Variants in ANO8 observed in about 807,000 individuals in gnomAD.
The protein encoded by ANO8 is anoctamin-8.
ANO8 carries 67 observed loss-of-function variants against 120.4 expected under a neutral mutation model. The ratio of observed to expected loss-of-function variants is 0.56; its 90% CI spans 0.46 to 0.68. The LOEUF is 0.68. ANO8 is among the 30% of genes least tolerant of loss of function. The probability of loss-of-function intolerance (pLI) is 0.00; values close to 1 mark genes in which losing one functional copy is unlikely to be tolerated. For missense variants in ANO8, 1,526 were observed against 1,737.6 expected, an observed-to-expected ratio of 0.88 and a Z score of 2.16; for synonymous variants, 727 against 759.2, an observed-to-expected ratio of 0.96 and a Z score of 0.70.
At position 17,333,209 on chromosome 19, in the gene ANO8, C is replaced by T. The variant is rs369888030; in HGVS notation, c.381G>A (p.Leu127=). Reference sequence around the variant, plus strand: ...CAAACTCGGCCTTCACTGCTTTGCGCAGACCCAGCTCGTCGGCCCCTCGGA... The same window carrying T: ...CAAACTCGGCCTTCACTGCTTTGCGTAGACCCAGCTCGTCGGCCCCTCGGA... ...SLLRGADELG[L]RKAVKAEFGG... is the part of the protein sequence containing the mutation. Residue 127 remains leucine (L), a synonymous_variant, in exon 4 of 18, where the codon CTG becomes CTA. Transcript: ENST00000159087. This position sits in a 1 kb window ranked among gnomAD's most constrained non-coding sequence, Gnocchi z 7.2. 9.3e-6 allele frequency: 15 copies of T among 1,610,672 alleles called. No homozygotes were observed. The highest frequency in any genetic ancestry group is 1.1e-5 in the Non-Finnish European group (13 of 1,178,410).
intron 5 of ANO8, among the ~76,000 whole-genome samples, chr19:17,331,978 A>G (rs1405919402): frequency 9.4e-6 from 1 of 105,890 alleles, no homozygotes; most frequent in Non-Finnish European, 1.8e-5. Context: ...CTGTGTCACC[A>G]GGCTGGAGTG....
At position 17,333,022 on chromosome 19, in the gene ANO8, C is replaced by T. The variant is rs551236968; in HGVS notation, c.494G>A (p.Arg165His). 2.0e-4 allele frequency: 317 copies of T among 1,614,038 alleles called. No individual in the cohort carries two copies. The South Asian group carries it at 3.3e-3, about 17-fold the overall frequency. Residue 165 changes from arginine (R) to histidine (H), a missense_variant, in exon 5 of 18, where the codon CGC (arginine) becomes CAC (histidine). Physicochemically the swap from Arg to His is conservative, Grantham distance 29. Around this residue, in one of 8 missense-constraint regions of ANO8, gnomAD observed 322 missense variants for 431.8 expected, o/e 0.75. Transcript: ENST00000159087. This position sits in a 1 kb window ranked among gnomAD's most constrained non-coding sequence, Gnocchi z 7.2. ...SELRFFTSQE[R>H]QSIIRFWLQN... ...CAGCCAGAAGCGGATGATGCTCTGG[C>T]GTTCCTGCGAGGAAGAGGGCGTGAG...
At position 17,329,718 on chromosome 19, in the gene ANO8, T is replaced by C. The variant is rs773812751; in HGVS notation, c.1404+39A>G. 1.1e-5 allele frequency: 17 copies of C among 1,568,818 alleles called. No homozygotes were observed. In the South Asian group the frequency reaches 1.9e-4, roughly 18 times the overall value. On this transcript the variant is annotated intron_variant, in intron 12 of 17. Coordinates refer to ENST00000159087, the MANE Select transcript of ANO8 (RefSeq NM_020959.3). ...GGGTCTGGCCCCTCGCTGGCCGCCA[T>C]GGGGGCAGGGGGGACTGCCGCTGGG...
Position 17,325,215 on chromosome 19 carries a change from T to C in ANO8, c.2833A>G (p.Lys945Glu). ...SGLDPATSSE[K>E]ASAKAKGSTA... The stretch of plus-strand genomic sequence containing the variant: ...CTGCCCTTGGCCTTGGCAGAGGCCT[T>C]CTCGGAGGAGGTGGCAGGGTCCAGC... The change falls in exon 17 of 18, where the codon AAG (lysine) becomes GAG (glutamate). Residue 945 changes from lysine (K) to glutamate (E), a missense_variant. Physicochemically the swap from Lys to Glu is moderately conservative, Grantham distance 56. Transcript: ENST00000159087. 1 of 1,612,250 alleles carries C rather than the reference T, an allele frequency of 6.2e-7. No individual in the cohort carries two copies. The highest frequency in any genetic ancestry group is 8.5e-7 in the Non-Finnish European group (1 of 1,179,812).
Position 17,327,347 on chromosome 19 carries a change from TGCAGG to T in ANO8, c.2551-7_2551-3del, listed in dbSNP as rs777469846. 4 of 1,549,874 alleles carry T rather than the reference TGCAGG, an allele frequency of 2.6e-6. No homozygotes were observed. Among genetic ancestry groups the T allele is most frequent in the Non-Finnish European group, 3.5e-6 (4 of 1,145,878 alleles). On this transcript the variant is annotated splice_region_variant and splice_polypyrimidine_tract_variant and intron_variant, in intron 15 of 17. Coordinates refer to ENST00000159087, the MANE Select transcript of ANO8 (RefSeq NM_020959.3). Reference sequence around the variant, plus strand: ...GTACTTGAGGAGCAGAGCGAAGTGCTGCAGGGGTGGCAGAGAGGAGGCTGCAGGCT... The same window carrying T: ...GTACTTGAGGAGCAGAGCGAAGTGCTGGTGGCAGAGAGGAGGCTGCAGGCT...
rs1470374593 is a variant in ANO8 at position 17,324,859 on chromosome 19, C to A, written c.3189G>T (p.Glu1063Asp). 12 of 1,612,780 alleles carry A rather than the reference C, an allele frequency of 7.4e-6. No individual in the cohort carries two copies. Among genetic ancestry groups the A allele is most frequent in the Non-Finnish European group, 1.0e-5 (12 of 1,179,668 alleles). Residue 1063 changes from glutamate (E) to aspartate (D), a missense_variant, in exon 17 of 18, where the codon GAG (glutamate) becomes GAT (aspartate). By Grantham distance (45) the Glu-to-Asp change is conservative. Coordinates refer to ENST00000159087, the MANE Select transcript of ANO8 (RefSeq NM_020959.3). ...GCCCGCCCGCCCCGTTGGACCCAGG[C>A]TCAGCCCGGGTGCCACCAAAGGGGA... ...KLFPFGGTRAEPGSNGAGGQA... is the reference protein window; with the variant it reads ...KLFPFGGTRADPGSNGAGGQA...
At chr19:17,332,021 G>A (rs1445877959) in intron 5 of ANO8, among the ~76,000 whole-genome samples, 1 of 133,310 alleles carries the variant, frequency 7.5e-6, no homozygotes, top group African/African-American at 2.9e-5. Context: ...TGCAACCTCT[G>A]CCTCCCGGGT....
intron 6 of ANO8, 26 bp from the exon 7 acceptor site, chr19:17,331,241 T>TGA (rs768801804): frequency 6.2e-6 from 10 of 1,613,988 alleles, no homozygotes; most frequent in Non-Finnish European, 8.5e-6. Flanking sequence ...TGGGTCTCAG[T>TGA]CACCCCCTGC....
chr19:17,323,920 C>T lies in ANO8; in HGVS notation c.3332-36G>A, dbSNP rs1333836375. 1.1e-5 allele frequency: 12 copies of T among 1,109,540 alleles called. 2 individuals carry two copies. The highest frequency in any genetic ancestry group is 8.6e-5 in the South Asian group (2 of 23,178). 68.7% of individuals were successfully genotyped at this position (1,109,540 alleles called of 1,614,324 possible). On this transcript the variant is annotated intron_variant, in intron 17 of 17. Transcript: ENST00000159087. ...GAGAGGGGCCGTTCCGGGGGGATGC[C>T]GCCCCCGCCGGACCCCGCCGGGCTG...
intron 5 of ANO8, among the ~76,000 whole-genome samples, chr19:17,331,930 G>GTTTT (rs2074321431): frequency 2.4e-5 from 2 of 83,714 alleles, no homozygotes; most frequent in South Asian, 4.0e-4. Flanking sequence ...ACCGCGCCCG[G>GTTTT]CTTTTTTTTT....
intron 13 of ANO8, 87 bp from the exon 14 acceptor site, chr19:17,327,967 T>A (rs2074284415): frequency 1.3e-6 from 2 of 1,531,644 alleles, no homozygotes; most frequent in Admixed American, 3.9e-5. Flanking sequence ...GATTATCCCA[T>A]GTGGACCCAG....
In ANO8 at chr19:17,330,016, T is replaced by C; in HGVS notation, c.1274-2A>G. The C allele has an allele frequency of 6.2e-7, 1 of 1,612,956 alleles. No individual in the cohort carries two copies. Among genetic ancestry groups the C allele is most frequent in the Non-Finnish European group, 8.5e-7 (1 of 1,179,564 alleles). On this transcript the variant is annotated splice_acceptor_variant, in intron 10 of 17. Coordinates refer to ENST00000159087, the MANE Select transcript of ANO8 (RefSeq NM_020959.3). LOFTEE classifies it high-confidence loss of function. ...AGGCGCTCTCCAGCCGGTAATTTTC[T>C]AGGGGCCAAGGGGGGGAGTGAGGGG...
rs778885458 is a variant in ANO8 at position 17,333,158 on chromosome 19, G to T, written c.432C>A (p.Cys144Ter). ...CATTCTCATAGATAAAGTCCTCCTC[G>T]CAGGAGAAGCCGCGGGTGCCCCCGC... ...EFGGGTRGFS[C>*]EEDFIYENVE... The change falls in exon 4 of 18, where the codon TGC becomes TGA. Residue 144 changes from cysteine to a stop codon, truncating the protein, a stop_gained. Coordinates refer to ENST00000159087, the MANE Select transcript of ANO8 (RefSeq NM_020959.3). LOFTEE classifies it high-confidence loss of function. This position sits in a 1 kb window ranked among gnomAD's most constrained non-coding sequence, Gnocchi z 7.2. 6.2e-7 allele frequency: 1 copy of T among 1,611,656 alleles called. No homozygotes were observed. Among genetic ancestry groups the T allele is most frequent in the Non-Finnish European group, 8.5e-7 (1 of 1,179,102 alleles).
Position 17,330,429 on chromosome 19 carries a change from G to A in ANO8, c.1069C>T (p.Leu357=). 6.4e-7 allele frequency: 1 copy of A among 1,572,852 alleles called. No individual in the cohort carries two copies. Among genetic ancestry groups the A allele is most frequent in the Non-Finnish European group, 8.6e-7 (1 of 1,159,594 alleles). Residue 357 remains leucine (L), a synonymous_variant, in exon 9 of 18, where the codon CTG becomes TTG. Transcript: ENST00000159087. ...YPPWKRLLFQ[L]LVSLPLCLAC... is the part of the protein sequence containing the mutation. ...AGGCACAGGGGGAGGCTCACAAGCA[G>A]CTGGAAGAGCAGCCGCTTCCAGGGC...
In ANO8 at chr19:17,328,380, G is replaced by C; in HGVS notation, c.2008C>G (p.Pro670Ala). The change falls in exon 13 of 18, where the codon CCT becomes GCT. Residue 670 changes from proline to alanine, a missense_variant. By Grantham distance (27) the Pro-to-Ala change is conservative. This residue lies in a region of ANO8 where 467 missense variants were observed against 425.8 expected (regional missense o/e 1.10). Transcript: ENST00000159087. ...AAGATGGCCGGGGGCTCCCGTTCAG[G>C]GCTGCCGGGAGCCCCCTCCGCCTCG... is the stretch of plus-strand genomic sequence containing the variant. ...DDEAEGAPGSPEREPPAILFR... is the reference protein window; with the variant it reads ...DDEAEGAPGSAEREPPAILFR... 2 of 1,573,466 alleles carry C rather than the reference G, an allele frequency of 1.3e-6. No individual in the cohort carries two copies. Among genetic ancestry groups the C allele is most frequent in the South Asian group, 2.3e-5 (2 of 87,454 alleles).
chr19:17,334,833 C>T lies in ANO8; in HGVS notation c.-163G>A, dbSNP rs1272358210. 1 of 1,279,780 alleles carries T rather than the reference C, an allele frequency of 7.8e-7. No individual in the cohort carries two copies. Among genetic ancestry groups the T allele is most frequent in the East Asian group, 2.7e-5 (1 of 37,402 alleles). 79.3% of individuals were successfully genotyped at this position (1,279,780 alleles called of 1,614,324 possible). A position where few individuals can be genotyped will look rare whatever the true frequency, so the allele number is the denominator to read the frequency against. On this transcript the variant is annotated 5_prime_UTR_variant, in exon 1 of 18. Coordinates refer to ENST00000159087, the MANE Select transcript of ANO8 (RefSeq NM_020959.3). ...CTCGCCCGAGCGCTGCTTCTCGTCC[C>T]CGCCCGAGCCGAACCTCGATTCTCC...
At chr19:17,326,625 G>A (rs1394568028) in intron 16 of ANO8, among the ~76,000 whole-genome samples, 1 of 152,220 alleles carries the variant, frequency 6.6e-6, no homozygotes, top group African/African-American at 2.4e-5. Context: ...CGCAGCAGCT[G>A]CACTTCAACG....
At position 17,332,877 on chromosome 19, in the gene ANO8, A is replaced by G. The variant is rs2074328987; in HGVS notation, c.586+53T>C. The G allele has an allele frequency of 1.7e-5, 27 of 1,600,450 alleles. 1 individual carries two copies. The South Asian group carries it at 2.9e-4, about 17-fold the overall frequency. On this transcript the variant is annotated intron_variant, in intron 5 of 17. Coordinates refer to ENST00000159087, the MANE Select transcript of ANO8 (RefSeq NM_020959.3). ...TCCTGCTCCTATAAGCTGTCTTTGA[A>G]GAGCTCCACCCAACTCTCTGCCTGT...
intron 12 of ANO8, 154 bp downstream of exon 12, chr19:17,329,603 C>T (rs1157252018): frequency 4.7e-6 from 3 of 636,410 alleles, no homozygotes; most frequent in Non-Finnish European, 2.8e-6. Context: ...AGAGAGAGGA[C>T]GCACAGACGA....
Sources: allele counts gnomAD v4.1 joint callset (sites outside exome capture counted in the v4.1 genomes callset), GRCh38; gene constraint gnomAD v4.1.1; regional missense constraint gnomAD v4.1.1; non-coding constraint Gnocchi (gnomAD v3.1); transcripts MANE v1.5; gene names NCBI Gene and HGNC (gene_info 2026-07-23, HGNC 2026-07-21).